Variants in CNKSR3 observed in about 807,000 individuals in gnomAD.
The protein encoded by CNKSR3 is CNKSR family member 3.
Under a neutral mutation model 67.7 loss-of-function variants are expected in CNKSR3, and 36 were observed. The ratio of observed to expected loss-of-function variants is 0.53; its 90% CI spans 0.41 to 0.70. The LOEUF (loss-of-function observed/expected upper bound fraction) is 0.70, where lower values mean the gene tolerates loss of function less well. CNKSR3 is among the 30% of genes least tolerant of loss of function. CNKSR3 has a pLI of 0.00. For synonymous variants in CNKSR3, 281 were observed against 271.4 expected (o/e 1.04, Z -0.35); for missense variants, 630 against 695.2 (o/e 0.91, Z 1.05).
intron 1 of CNKSR3, 30 bp downstream of exon 1, chr6:154,510,033 G>A (rs752019374): frequency 3.1e-6 from 5 of 1,613,392 alleles, no homozygotes; most frequent in Non-Finnish European, 4.2e-6. Flanking sequence ...CGAGGCTGGA[G>A]GACTCCGGAC....
intron 1 of CNKSR3, among the ~76,000 whole-genome samples, chr6:154,504,334 G>A (rs1268145771): frequency 6.6e-6 from 1 of 152,184 alleles, no homozygotes; most frequent in African/African-American, 2.4e-5. Flanking sequence ...ACTGACAGGT[G>A]CCCCTGGATG....
At chr6:154,407,117 G>A (rs1383879249) in intron 12 of CNKSR3, among the ~76,000 whole-genome samples, 1 of 152,182 alleles carries the variant, frequency 6.6e-6, no homozygotes, top group Non-Finnish European at 1.5e-5. Flanking sequence ...CCCACCAATG[G>A]GTGCTCTGGA....
intron 1 of CNKSR3, among the ~76,000 whole-genome samples, chr6:154,505,675 AT>A (rs1446560535): frequency 1.3e-4 from 20 of 149,834 alleles, no homozygotes; most frequent in African/African-American, 3.4e-4. Context: ...TTTTTTTTGT[AT>A]TTTTTAGTAG....
chr6:154,450,315 T>C (rs4870285), intron 1 of CNKSR3, 57 bp from the exon 2 acceptor site: 1,046,900 of 1,559,766 alleles, frequency 0.67, 355,060 homozygotes, highest in East Asian at 0.91. Flanking sequence ...ACCCACCCCC[T>C]GCAAACTGCC....
chr6:154,486,305 T>C (rs150412108), intron 1 of CNKSR3, among the ~76,000 whole-genome samples: 5,122 of 150,832 alleles, frequency 0.034, 329 homozygotes, highest in African/African-American at 0.12. Context: ...TTTTCTTTTT[T>C]TTTTTTTTTA....
intron 1 of CNKSR3, among the ~76,000 whole-genome samples, chr6:154,489,010 G>GGCCA (rs1468925853): frequency 1.3e-5 from 2 of 152,048 alleles, no homozygotes; most frequent in African/African-American, 4.8e-5. Flanking sequence ...GAGGGCGAGC[G>GGCCA]GCCACACCCT....
In CNKSR3 at chr6:154,414,341, T is replaced by C. The variant is rs1205555989; in HGVS notation, c.1028A>G (p.Asp343Gly). 8 of 1,611,696 alleles carry C rather than the reference T, an allele frequency of 5.0e-6. No homozygotes were observed. The highest frequency in any genetic ancestry group is 5.1e-6 in the Non-Finnish European group (6 of 1,179,160). ...SLKKEKSAIL[D>G]LYIPPPPAVP... ...AGCAGGCGGAGGAGGAATATAAAGATCCAGGATGGCTGACTTCTCCTTCTT... is the reference window on the plus strand; with the variant it reads ...AGCAGGCGGAGGAGGAATATAAAGACCCAGGATGGCTGACTTCTCCTTCTT... The change falls in exon 10 of 13, where the codon GAT becomes GGT. Residue 343 changes from aspartate (D) to glycine (G), a missense_variant. Asp to Gly is a moderately conservative substitution (Grantham distance 94). This residue lies in a region of CNKSR3 where 308 missense variants were observed against 299.6 expected (regional missense o/e 1.03). Coordinates refer to ENST00000607772, the MANE Select transcript of CNKSR3 (RefSeq NM_173515.4).
intron 2 of CNKSR3, among the ~76,000 whole-genome samples, chr6:154,449,842 T>C (rs140857960): frequency 2.0e-5 from 3 of 152,364 alleles, no homozygotes; most frequent in Non-Finnish European, 4.4e-5. Flanking sequence ...TGAATGGACA[T>C]GGTTGTGTTC....
At chr6:154,496,910 C>G (rs1163523279) in intron 1 of CNKSR3, among the ~76,000 whole-genome samples, 1 of 152,214 alleles carries the variant, frequency 6.6e-6, no homozygotes, top group Admixed American at 6.5e-5. Context: ...ACGTCAGGCT[C>G]TAATGCCTCT....
rs991417519 is a variant in CNKSR3 at position 154,411,037 on chromosome 6, G to C, written c.1176C>G (p.Ser392Arg). The C allele has an allele frequency of 3.1e-6, 5 of 1,613,962 alleles. No homozygotes were observed. Among genetic ancestry groups the C allele is most frequent in the Non-Finnish European group, 3.4e-6 (4 of 1,180,002 alleles). ...CTGCAATGGTGAATCTTCGTCTCCG[G>C]CTTTCCTGGTCCAAGAAGGAATTCG... is the stretch of plus-strand genomic sequence containing the variant. ...ESPNSFLDQE[S>R]RRRRFTIADS... Residue 392 changes from serine (S) to arginine (R), a missense_variant, in exon 11 of 13, where the codon AGC (serine) becomes AGG (arginine). Physicochemically the swap from Ser to Arg is moderately radical, Grantham distance 110. Transcript: ENST00000607772.
chr6:154,470,651 G>A (rs905070618), intron 1 of CNKSR3, among the ~76,000 whole-genome samples: 2 of 152,140 alleles, frequency 1.3e-5, no homozygotes, highest in African/African-American at 4.8e-5. Flanking sequence ...ATATTCCATT[G>A]TATAGATATA....
rs1372717482 is a variant in CNKSR3, at chr6:154,510,423, CCCCTGGCCTCGGCTCGGCACGGGAGCCT to C, written c.-337_-310del. On this transcript the variant is annotated 5_prime_UTR_variant, in exon 1 of 13. Transcript: ENST00000607772. ...AGGCACGCCGGGCTGCGACCCCAGA[CCCCTGGCCTCGGCTCGGCACGGGAGCCT>C]CCCGGCCCGCGACCACTTCCTCGGA... The C allele has an allele frequency of 1.3e-5, 6 of 449,100 alleles. No homozygotes were observed. Among genetic ancestry groups the C allele is most frequent in the Non-Finnish European group, 2.4e-5 (6 of 253,380 alleles). 27.8% of individuals were successfully genotyped at this position (449,100 alleles called of 1,614,324 possible).
chr6:154,478,573 C>T (rs1202893134), intron 1 of CNKSR3: 2 of 152,272 alleles, frequency 1.3e-5, no homozygotes, highest in Non-Finnish European at 2.9e-5. Context: ...CCAGGTCCTT[C>T]AAGACAGCCG....
At chr6:154,433,378 A>G in intron 5 of CNKSR3, 88 bp downstream of exon 5, 1 of 869,186 alleles carries the variant, frequency 1.2e-6, no homozygotes, top group Non-Finnish European at 1.9e-6. Context: ...TATCTCCTGA[A>G]GTAATTAGCC....
intron 1 of CNKSR3, among the ~76,000 whole-genome samples, chr6:154,492,124 C>T (rs901951593): frequency 6.6e-6 from 1 of 152,164 alleles, no homozygotes; most frequent in Non-Finnish European, 1.5e-5. Context: ...TCTCACTGAC[C>T]TCACAGCAGT....
chr6:154,436,938 C>T (rs1785483416), intron 4 of CNKSR3, among the ~76,000 whole-genome samples: 1 of 151,972 alleles, frequency 6.6e-6, no homozygotes, highest in African/African-American at 2.4e-5. Context: ...AGAAAAGAAG[C>T]AGCAATATGT....
chr6:154,476,623 A>G (rs1786458072), intron 1 of CNKSR3, among the ~76,000 whole-genome samples: 1 of 152,226 alleles, frequency 6.6e-6, no homozygotes, highest in African/African-American at 2.4e-5. Flanking sequence ...CTAAAAGCCA[A>G]GGACAGTAAC....
intron 1 of CNKSR3, among the ~76,000 whole-genome samples, chr6:154,475,762 C>T (rs1018027621): frequency 3.8e-4 from 58 of 152,226 alleles, no homozygotes; most frequent in African/African-American, 1.3e-3. Flanking sequence ...TCCACTACGT[C>T]CTCCTCCAAA....
At chr6:154,491,475 A>G (rs1469683276) in intron 1 of CNKSR3, among the ~76,000 whole-genome samples, 1 of 152,242 alleles carries the variant, frequency 6.6e-6, no homozygotes, top group African/African-American at 2.4e-5. Flanking sequence ...CATGACATAC[A>G]TATGATTTCA....
Sources: gnomAD v4.1 joint callset for allele counts (sites outside exome capture counted in the v4.1 genomes callset) on GRCh38, gnomAD v4.1.1 for gene constraint, gnomAD v4.1.1 regional missense constraint, MANE v1.5 for transcripts, NCBI Gene and HGNC (gene_info 2026-07-23, HGNC 2026-07-21) for gene names.